The following MARK3 variants were observed in gnomAD, a reference collection of about 807,000 sequenced individuals.
MARK3 encodes microtubule affinity regulating kinase 3, also known as MAP/microtubule affinity-regulating kinase 3.
A neutral mutation model predicts 90.1 loss-of-function variants in MARK3; 46 were observed. That is an observed-to-expected ratio of 0.51 (90% CI 0.40 to 0.65). The LOEUF (loss-of-function observed/expected upper bound fraction) is 0.65. Among genes scored for constraint, MARK3 ranks in the 30% least tolerant of loss-of-function variants. MARK3 has a pLI of 0.00. For missense variants in MARK3, 818 were observed against 947.2 expected (o/e 0.86, Z 1.79); for synonymous variants, 321 against 332.6 (o/e 0.97, Z 0.38).
chr14:103,409,101 T>C (rs2091475019), intron 2 of MARK3, among the ~76,000 whole-genome samples: 1 of 152,196 alleles, frequency 6.6e-6, no homozygotes, highest in Admixed American at 6.5e-5. Context: ...ATCTAGAGTC[T>C]GGCCTGTGGT....
intron 14 of MARK3, 133 bp from the exon 15 acceptor site, chr14:103,491,644 C>G (rs2094017995): frequency 1.1e-6 from 1 of 896,464 alleles, no homozygotes; most frequent in African/African-American, 1.7e-5. Context: ...CCTTTTGCTC[C>G]TAAGTCCTAT....
At chr14:103,493,043 G>A (rs775137152) in intron 15 of MARK3, among the ~76,000 whole-genome samples, 9 of 152,104 alleles carry the variant, frequency 5.9e-5, no homozygotes, top group African/African-American at 9.7e-5. Flanking sequence ...AGTCTTTCCC[G>A]AGTCTGAAAT....
At chr14:103,397,711 A>G (rs187903206) in intron 1 of MARK3, among the ~76,000 whole-genome samples, 1 of 152,220 alleles carries the variant, frequency 6.6e-6, no homozygotes, top group Non-Finnish European at 1.5e-5. Flanking sequence ...TCACCGTATT[A>G]CATTAGTTCA....
chr14:103,464,227 T>C (rs28444993), intron 7 of MARK3, among the ~76,000 whole-genome samples: 49,990 of 151,164 alleles, frequency 0.33, 8,595 homozygotes, highest in Middle Eastern at 0.45. Context: ...CAGACACTAA[T>C]ATAGCATCTG....
In MARK3 at chr14:103,435,746, T is replaced by C. The variant is rs541755713; in HGVS notation, c.297+7306T>C. 2.6e-5 allele frequency among the ~76,000 whole-genome samples: 4 copies of C among 151,140 alleles called. No individual in the cohort carries two copies. In the East Asian group the frequency reaches 7.8e-4, roughly 29 times the overall value. ...TTGATTGAGTGATTGATTGATGGGG[T>C]CTTGTCCTGTTGCCCAGGATGGAAG... is the stretch of plus-strand genomic sequence containing the variant. On this transcript the variant is annotated intron_variant, in intron 3 of 17. Transcript: ENST00000429436.
At chr14:103,497,057 T>G (rs2075389836) in intron 15 of MARK3, among the ~76,000 whole-genome samples, 2 of 152,220 alleles carry the variant, frequency 1.3e-5, no homozygotes, top group South Asian at 2.1e-4. Flanking sequence ...AAATAAATAT[T>G]TAAAAGTAAA....
chr14:103,389,039 T>C (rs1441636732), intron 1 of MARK3, among the ~76,000 whole-genome samples: 1 of 152,140 alleles, frequency 6.6e-6, no homozygotes, highest in Non-Finnish European at 1.5e-5. Context: ...TGTATATAAC[T>C]GTGATAAGAA....
At chr14:103,411,709 A>G (rs897086331) in intron 2 of MARK3, among the ~76,000 whole-genome samples, 6 of 149,912 alleles carry the variant, frequency 4.0e-5, no homozygotes, top group South Asian at 2.1e-4. Flanking sequence ...TGCAACCTCC[A>G]CCTCCCGGGT....
intron 3 of MARK3, among the ~76,000 whole-genome samples, chr14:103,438,157 C>T (rs768631952): frequency 2.0e-5 from 3 of 152,148 alleles, no homozygotes; most frequent in Non-Finnish European, 4.4e-5. Flanking sequence ...CCCGCCACCA[C>T]GCCCAGCTAA....
At chr14:103,442,494 A>G (rs910972083) in intron 3 of MARK3, among the ~76,000 whole-genome samples, 1 of 151,152 alleles carries the variant, frequency 6.6e-6, no homozygotes, top group Non-Finnish European at 1.5e-5. Context: ...TGTGATGACT[A>G]TGAGGTATAT....
intron 2 of MARK3, among the ~76,000 whole-genome samples, chr14:103,411,677 C>A (rs1217187201): frequency 6.6e-6 from 1 of 151,914 alleles, no homozygotes; most frequent in Admixed American, 6.6e-5. Context: ...GGCTGGAGTG[C>A]AGTGGCGGGA....
At chr14:103,460,337 G>A (rs985059729) in intron 6 of MARK3, among the ~76,000 whole-genome samples, 1 of 151,742 alleles carries the variant, frequency 6.6e-6, no homozygotes, top group African/African-American at 2.4e-5. Context: ...CACCCGCCTC[G>A]GCCTCCCAAA....
At chr14:103,448,882 TG>T (rs758243061) in intron 3 of MARK3, 36 bp from the exon 4 acceptor site, 6 of 703,194 alleles carry the variant, frequency 8.5e-6, no homozygotes, top group African/African-American at 5.2e-5. Flanking sequence ...TAACTTGTGT[TG>T]GGGGGATTAT....
rs1286114589 is a variant in MARK3, at chr14:103,427,344, A to T, written c.244-1043A>T. On this transcript the variant is annotated intron_variant, in intron 2 of 17. Transcript: ENST00000429436. ...GTGAAACCCCATCTCTACTAAAAAT[A>T]CAAAATTAGCCAGTCGTGGTGGTGC... Among the ~76,000 whole-genome samples the T allele has an allele frequency of 2.6e-5, 4 of 151,730 alleles. No individual in the cohort carries two copies. The East Asian group carries it at 7.7e-4, about 29-fold the overall frequency.
chr14:103,459,398 G>A (rs1019893251), intron 6 of MARK3, among the ~76,000 whole-genome samples: 1 of 152,154 alleles, frequency 6.6e-6, no homozygotes, highest in African/African-American at 2.4e-5. Flanking sequence ...CTTTAGAATT[G>A]ACCCTTTCTT....
intron 6 of MARK3, among the ~76,000 whole-genome samples, chr14:103,458,966 T>C (rs773066879): frequency 3.3e-5 from 5 of 152,198 alleles, no homozygotes; most frequent in Non-Finnish European, 5.9e-5. Flanking sequence ...AAAAAGAAAT[T>C]ATTCTTGATG....
chr14:103,432,785 G>A (rs2092619483), intron 3 of MARK3, among the ~76,000 whole-genome samples: 2 of 152,214 alleles, frequency 1.3e-5, no homozygotes, highest in South Asian at 2.1e-4. Context: ...GAGCCTAGAA[G>A]TTGGAGGCTG....
At chr14:103,390,054 C>G (rs959370491) in intron 1 of MARK3, among the ~76,000 whole-genome samples, 3 of 151,654 alleles carry the variant, frequency 2.0e-5, no homozygotes, top group Non-Finnish European at 2.9e-5. Context: ...CGAGACCATC[C>G]TGGCTAACAC....
At chr14:103,502,815 C>A (rs375612395) in intron 17 of MARK3, 67 bp from the exon 18 acceptor site, 1 of 1,271,608 alleles carries the variant, frequency 7.9e-7, no homozygotes, top group Non-Finnish European at 1.1e-6. Context: ...GAATGAGGAA[C>A]TAGCTGAAGT....
Sources: gnomAD v4.1 joint callset for allele counts (sites outside exome capture counted in the v4.1 genomes callset) on GRCh38, gnomAD v4.1.1 for gene constraint, MANE v1.5 for transcripts, NCBI Gene and HGNC (gene_info 2026-07-23, HGNC 2026-07-21) for gene names.